Variants in PCDH7 observed in about 807,000 individuals in gnomAD.
The protein encoded by PCDH7 is protocadherin 7.
In PCDH7, 17 loss-of-function variants were observed where a neutral mutation model predicts 58.9. That is an observed-to-expected ratio of 0.29 (90% confidence interval 0.20 to 0.43). PCDH7 has a LOEUF of 0.43. Ranked by LOEUF, PCDH7 falls within the 20% of genes least tolerant of loss-of-function variation. PCDH7 has a pLI of 1.00. For synonymous variants in PCDH7, 664 were observed against 616.4 expected (o/e 1.08, Z -1.14); for missense variants, 1,274 against 1,441.0 (o/e 0.88, Z 1.88).
intron 1 of PCDH7, among the ~76,000 whole-genome samples, chr4:30,823,385 G>A (rs1577941646): frequency 2.0e-5 from 3 of 152,042 alleles, no homozygotes; most frequent in Admixed American, 6.6e-5. Flanking sequence ...TGTCGTCACC[G>A]GTACTTTTTG....
chr4:30,862,071 G>C (rs942655362), intron 1 of PCDH7, among the ~76,000 whole-genome samples: 6 of 152,292 alleles, frequency 3.9e-5, no homozygotes, highest in South Asian at 2.1e-4. Context: ...TATGGTTGAA[G>C]AAACTGAGGT....
At chr4:30,875,275 C>T (rs1380463168) in intron 1 of PCDH7, among the ~76,000 whole-genome samples, 5 of 151,932 alleles carry the variant, frequency 3.3e-5, no homozygotes, top group African/African-American at 1.2e-4. Context: ...TCCAAATTCC[C>T]CCCTTCTTAA....
At chr4:30,915,664 T>C (rs150557440) in intron 1 of PCDH7, among the ~76,000 whole-genome samples, 2 of 152,082 alleles carry the variant, frequency 1.3e-5, no homozygotes, top group Admixed American at 6.6e-5. Context: ...GCTGGGATTA[T>C]AGACATGTAC....
intron 3 of PCDH7, among the ~76,000 whole-genome samples, chr4:31,116,929 G>C (rs1351219863): frequency 6.6e-6 from 1 of 152,058 alleles, no homozygotes; most frequent in Non-Finnish European, 1.5e-5. Context: ...TCTGCCTCCT[G>C]GGTTCAAGTG....
chr4:30,868,391 G>C (rs1735142764), intron 1 of PCDH7, among the ~76,000 whole-genome samples: 1 of 152,074 alleles, frequency 6.6e-6, no homozygotes, highest in Non-Finnish European at 1.5e-5. Context: ...ACATTACGCT[G>C]CTGACTTAAG....
chr4:30,815,466 T>C (rs915848574), intron 1 of PCDH7, among the ~76,000 whole-genome samples: 1 of 152,104 alleles, frequency 6.6e-6, no homozygotes, highest in Non-Finnish European at 1.5e-5. Context: ...ACCCTTGACT[T>C]GGGGTTTTAT....
intron 1 of PCDH7, among the ~76,000 whole-genome samples, chr4:30,889,406 A>G (rs898990047): frequency 6.6e-6 from 1 of 152,112 alleles, no homozygotes; most frequent in African/African-American, 2.4e-5. Flanking sequence ...TGTCAACATT[A>G]TAACATTTTC....
At chr4:30,974,357 A>G (rs942508035) in intron 3 of PCDH7, among the ~76,000 whole-genome samples, 1 of 151,800 alleles carries the variant, frequency 6.6e-6, no homozygotes, top group Admixed American at 6.6e-5. Context: ...TCACAAAGAC[A>G]ATACTTCCCC....
chr4:30,728,093 A>G (rs1714887902), intron 1 of PCDH7, among the ~76,000 whole-genome samples: 1 of 151,782 alleles, frequency 6.6e-6, no homozygotes, highest in Non-Finnish European at 1.5e-5. Context: ...TGTCTTCATA[A>G]TGTTCTCTTT....
At chr4:31,129,628 GTTA>G (rs1323209715) in intron 3 of PCDH7, among the ~76,000 whole-genome samples, 4 of 151,688 alleles carry the variant, frequency 2.6e-5, no homozygotes, top group African/African-American at 9.7e-5. Flanking sequence ...TTTAAATTTT[GTTA>G]TTATTATTAT....
At chr4:30,942,176 T>C (rs1372727200) in intron 2 of PCDH7, among the ~76,000 whole-genome samples, 1 of 151,952 alleles carries the variant, frequency 6.6e-6, no homozygotes, top group African/African-American at 2.4e-5. Flanking sequence ...AATGAATAAA[T>C]GAATATTCGA....
At chr4:31,142,079 A>C (rs1720325454) in intron 3 of PCDH7, among the ~76,000 whole-genome samples, 1 of 152,208 alleles carries the variant, frequency 6.6e-6, no homozygotes, top group African/African-American at 2.4e-5. Flanking sequence ...TTATAAATCC[A>C]GAAAATTGTC....
chr4:31,113,928 G>A (rs1268817065), intron 3 of PCDH7, among the ~76,000 whole-genome samples: 1 of 149,310 alleles, frequency 6.7e-6, no homozygotes, highest in African/African-American at 2.5e-5. Context: ...CACCTCCCAG[G>A]TTCAAGCCAT....
chr4:30,745,330 T>A (rs1315843610), intron 1 of PCDH7, among the ~76,000 whole-genome samples: 1 of 152,086 alleles, frequency 6.6e-6, no homozygotes, highest in African/African-American at 2.4e-5. Context: ...TTTTTTTCTT[T>A]TACAATTTCT....
intron 1 of PCDH7, 111 bp from the exon 2 acceptor site, chr4:30,920,042 G>T (rs745870289): frequency 7.2e-5 from 47 of 648,788 alleles, no homozygotes; most frequent in South Asian, 3.6e-4. Context: ...TATTCATTTT[G>T]TATTGAATTA....
chr4:30,932,040 G>A (rs1280739106), intron 2 of PCDH7, among the ~76,000 whole-genome samples: 1 of 151,890 alleles, frequency 6.6e-6, no homozygotes, highest in African/African-American at 2.4e-5. Flanking sequence ...CTACATTTAT[G>A]GTGAGATCTA....
intron 1 of PCDH7, among the ~76,000 whole-genome samples, chr4:30,822,153 T>A (rs1031612028): frequency 6.6e-6 from 1 of 152,174 alleles, no homozygotes; most frequent in Non-Finnish European, 1.5e-5. Context: ...ATTAAACTCC[T>A]TGATAGTGAG....
At chr4:30,882,374 C>A (rs2109372206) in intron 1 of PCDH7, among the ~76,000 whole-genome samples, 1 of 152,088 alleles carries the variant, frequency 6.6e-6, no homozygotes, top group African/African-American at 2.4e-5. Context: ...GCAGTTCTAC[C>A]CCAGCCTCCC....
chr4:30,930,154 A>G (rs1006589784), intron 2 of PCDH7, among the ~76,000 whole-genome samples: 5 of 152,186 alleles, frequency 3.3e-5, no homozygotes, highest in Non-Finnish European at 5.9e-5. Context: ...TACAAGAAGT[A>G]GAGGAGGACT....
Sources: gnomAD v4.1 joint callset for allele counts (sites outside exome capture counted in the v4.1 genomes callset) on GRCh38, gnomAD v4.1.1 for gene constraint, MANE v1.5 for transcripts, NCBI Gene and HGNC (gene_info 2026-07-23, HGNC 2026-07-21) for gene names.